CNGB3: variants seen among roughly 807,000 people sequenced by gnomAD.
CNGB3 encodes cyclic nucleotide gated channel subunit beta 3, also known as cyclic nucleotide-gated channel beta-3.
A neutral mutation model predicts 92.8 loss-of-function variants in CNGB3; 86 were observed. The ratio of observed to expected loss-of-function variants is 0.93; its 90% confidence interval spans 0.78 to 1.11. The LOEUF (loss-of-function observed/expected upper bound fraction) is 1.11. Among genes scored for constraint, CNGB3 ranks in the 50% least tolerant of loss-of-function variants. The probability of loss-of-function intolerance (pLI) is 0.00; values close to 1 mark genes in which losing one functional copy is unlikely to be tolerated. For synonymous variants in CNGB3, 333 were observed against 332.7 expected (o/e 1.00, Z -0.01); for missense variants, 1,026 against 956.8 (o/e 1.07, Z -0.95).
intron 11 of CNGB3, among the ~76,000 whole-genome samples, chr8:86,632,219 AG>A (rs1253049241): frequency 6.7e-6 from 1 of 149,598 alleles, no homozygotes; most frequent in Admixed American, 6.7e-5. Flanking sequence ...AAAAAAAAAA[AG>A]GGCTCTATCC....
chr8:86,686,145 A>G (rs1200301645), intron 3 of CNGB3, among the ~76,000 whole-genome samples: 1 of 152,132 alleles, frequency 6.6e-6, no homozygotes, highest in African/African-American at 2.4e-5. Flanking sequence ...GAACATTGTC[A>G]TCAAATTTTA....
At chr8:86,586,296 A>G (rs905818654) in intron 15 of CNGB3, among the ~76,000 whole-genome samples, 4 of 151,650 alleles carry the variant, frequency 2.6e-5, no homozygotes, top group Non-Finnish European at 5.9e-5. Flanking sequence ...TACTACTAAG[A>G]ATATTGTAAT....
At chr8:86,600,355 C>T (rs962530197) in intron 15 of CNGB3, among the ~76,000 whole-genome samples, 1 of 152,202 alleles carries the variant, frequency 6.6e-6, no homozygotes, top group Non-Finnish European at 1.5e-5. Flanking sequence ...TCATGACTGG[C>T]ACTGTGCCTG....
In CNGB3 at chr8:86,653,987, A is replaced by G. The variant is rs764799727; in HGVS notation, c.903+25T>C. On this transcript the variant is annotated intron_variant, in intron 7 of 17. Transcript: ENST00000320005. The stretch of plus-strand genomic sequence containing the variant: ...CAAAATGGTAATAGATCACGTGAGC[A>G]ACTTTGAAATTGTTTGTCACCTACC... 3 of 1,515,460 alleles carry G rather than the reference A, an allele frequency of 2.0e-6. No homozygotes were observed. In the Admixed American group the frequency reaches 5.0e-5, roughly 25 times the overall value. 93.9% of individuals were successfully genotyped at this position (1,515,460 alleles called of 1,614,324 possible).
chr8:86,575,194 G>C lies in CNGB3; in HGVS notation c.*610C>G, dbSNP rs771020902. 6.6e-6 allele frequency: 1 copy of C among 152,176 alleles called. No homozygotes were observed. The highest frequency in any genetic ancestry group is 1.5e-5 in the Non-Finnish European group (1 of 68,040). 9.4% of individuals were successfully genotyped at this position (152,176 alleles called of 1,614,324 possible). On this transcript the variant is annotated 3_prime_UTR_variant, in exon 18 of 18. Coordinates refer to ENST00000320005, the MANE Select transcript of CNGB3 (RefSeq NM_019098.5). ...TTTGCTAATTCTGCCGACCAACATT[G>C]GTCTTCAGGGGACTGTTCCAAAAAT... is the stretch of plus-strand genomic sequence containing the variant.
At chr8:86,620,199 G>A (rs377512827) in intron 13 of CNGB3, among the ~76,000 whole-genome samples, 9 of 152,286 alleles carry the variant, frequency 5.9e-5, no homozygotes, top group African/African-American at 1.2e-4. Context: ...TTTGCTCTCC[G>A]TAAAATGGGA....
At chr8:86,661,528 G>A in intron 6 of CNGB3, 1 of 675,746 alleles carries the variant, frequency 1.5e-6, no homozygotes, top group South Asian at 1.4e-5. Context: ...CATTTAAATG[G>A]CCTTGACTTT....
At chr8:86,588,398 G>T (rs1821941344) in intron 15 of CNGB3, among the ~76,000 whole-genome samples, 1 of 122,538 alleles carries the variant, frequency 8.2e-6, no homozygotes, top group South Asian at 3.0e-4. Context: ...GGTGAGAGAG[G>T]GCATCCCTGT....
intron 12 of CNGB3, among the ~76,000 whole-genome samples, chr8:86,627,916 TCTC>T (rs1173386812): frequency 6.6e-6 from 1 of 152,164 alleles, no homozygotes; most frequent in Non-Finnish European, 1.5e-5. Context: ...TTTTTCTCCT[TCTC>T]CTCAGCCTAC....
chr8:86,602,445 T>G (rs1822324904), intron 15 of CNGB3, among the ~76,000 whole-genome samples: 1 of 152,166 alleles, frequency 6.6e-6, no homozygotes, highest in African/African-American at 2.4e-5. Context: ...CAAAGATAAC[T>G]TCTTAGCAGC....
chr8:86,657,235 T>C (rs1342229032), intron 6 of CNGB3, among the ~76,000 whole-genome samples: 1 of 152,210 alleles, frequency 6.6e-6, no homozygotes, highest in Non-Finnish European at 1.5e-5. Flanking sequence ...GCAAAGGGTC[T>C]GCACTTGTTT....
At chr8:86,581,342 A>T (rs1036515203) in intron 15 of CNGB3, among the ~76,000 whole-genome samples, 1 of 152,148 alleles carries the variant, frequency 6.6e-6, no homozygotes, top group Non-Finnish European at 1.5e-5. Flanking sequence ...CTAGCATGAG[A>T]GTGAGAAACT....
chr8:86,582,515 A>G (rs1429251058), intron 15 of CNGB3, among the ~76,000 whole-genome samples: 1 of 151,870 alleles, frequency 6.6e-6, no homozygotes, highest in Non-Finnish European at 1.5e-5. Flanking sequence ...CAAATGAAAA[A>G]CCCCCAACTT....
intron 2 of CNGB3, 125 bp downstream of exon 2, chr8:86,739,530 A>T: frequency 7.0e-7 from 1 of 1,423,146 alleles, no homozygotes; most frequent in Non-Finnish European, 9.5e-7. Flanking sequence ...TCTTCAAATA[A>T]CCTCAGTATG....
chr8:86,575,415 T>G lies in CNGB3; in HGVS notation c.*389A>C, dbSNP rs16915861. The G allele has an allele frequency of 0.016, 2,739 of 168,848 alleles. 74 individuals carry two copies. Among genetic ancestry groups the G allele is most frequent in the African/African-American group, 0.062 (2,590 of 41,978 alleles). The allele number at this position is 168,848 out of a possible 1,614,324, so 10.5% of individuals were successfully genotyped here. The stretch of plus-strand genomic sequence containing the variant: ...AAACCTAGAACAATTAGCCAGGCTT[T>G]AGAGTGCCAAAGAAGAAATTAAACA... On this transcript the variant is annotated 3_prime_UTR_variant, in exon 18 of 18. Coordinates refer to ENST00000320005, the MANE Select transcript of CNGB3 (RefSeq NM_019098.5).
At chr8:86,730,606 T>C (rs1239086398) in intron 2 of CNGB3, among the ~76,000 whole-genome samples, 1 of 152,242 alleles carries the variant, frequency 6.6e-6, no homozygotes, top group African/African-American at 2.4e-5. Flanking sequence ...TAAACAATAC[T>C]ATTATTTTCC....
intron 1 of CNGB3, among the ~76,000 whole-genome samples, chr8:86,741,679 A>C (rs913177966): frequency 3.1e-4 from 47 of 152,210 alleles, no homozygotes; most frequent in African/African-American, 5.3e-4. Context: ...AAAAACAAAA[A>C]AAAAAAATCT....
At chr8:86,695,912 T>C (rs1374479434) in intron 3 of CNGB3, among the ~76,000 whole-genome samples, 1 of 152,048 alleles carries the variant, frequency 6.6e-6, no homozygotes, top group Non-Finnish European at 1.5e-5. Context: ...TGATTGTTAT[T>C]GTTCTTCTGA....
chr8:86,698,352 T>G (rs1435959475), intron 3 of CNGB3, among the ~76,000 whole-genome samples: 1 of 152,242 alleles, frequency 6.6e-6, no homozygotes, highest in Non-Finnish European at 1.5e-5. Context: ...ATTATGACTT[T>G]ATAGTCTAGG....
Sources: gnomAD v4.1 joint callset for allele counts (sites outside exome capture counted in the v4.1 genomes callset) on GRCh38, gnomAD v4.1.1 for gene constraint, MANE v1.5 for transcripts, NCBI Gene and HGNC (gene_info 2026-07-23, HGNC 2026-07-21) for gene names.